The following TEK variants were observed in gnomAD, a reference collection of about 807,000 sequenced individuals.
The protein encoded by TEK is TEK receptor tyrosine kinase.
TEK carries 43 observed loss-of-function variants against 131.8 expected under a neutral mutation model. That is an observed-to-expected ratio of 0.33 (90% CI 0.26 to 0.42). The LOEUF is 0.42. Among genes scored for constraint, TEK ranks in the 10% least tolerant of loss-of-function variants. The pLI is 1.00. For missense variants in TEK, 1,162 were observed against 1,384.4 expected (o/e 0.84, Z 2.55); for synonymous variants, 580 against 491.6 (o/e 1.18, Z -2.38).
intron 7 of TEK, among the ~76,000 whole-genome samples, chr9:27,181,784 A>C (rs547508437): frequency 5.3e-5 from 8 of 152,324 alleles, no homozygotes; most frequent in African/African-American, 1.9e-4. Context: ...AAATTAAAAG[A>C]AGCAGACATA....
intron 18 of TEK, among the ~76,000 whole-genome samples, chr9:27,216,796 TCAA>T (rs1825834805): frequency 6.6e-6 from 1 of 152,110 alleles, no homozygotes; most frequent in Non-Finnish European, 1.5e-5. Context: ...GAAAGGTCCC[TCAA>T]GTGCTCCTGG....
intron 1 of TEK, among the ~76,000 whole-genome samples, chr9:27,152,601 G>A (rs796906466): frequency 6.5e-5 from 8 of 123,950 alleles, no homozygotes; most frequent in African/African-American, 9.2e-5. Flanking sequence ...CCCCCCCGCC[G>A]CAAAAAAATA....
intron 21 of TEK, 127 bp from the exon 22 acceptor site, chr9:27,228,079 G>T: frequency 1.5e-6 from 1 of 687,322 alleles, no homozygotes; most frequent in Non-Finnish European, 2.5e-6. Flanking sequence ...AAACTTCCTA[G>T]GGGCTGTACT....
Position 27,205,014 on chromosome 9 carries a change from A to G in TEK, c.2313A>G (p.Gln771=), listed in dbSNP as rs1442811165. ...TVLLAFLIIL[Q]LKRANVQRRM... The stretch of plus-strand genomic sequence containing the variant: ...TGTTGGCCTTTCTGATCATATTGCA[A>G]TTGAAGAGGGCAAATGTGCAAAGGA... Residue 771 remains glutamine (Q), a synonymous_variant, in exon 14 of 23, where the codon CAA becomes CAG. Transcript: ENST00000380036. 5 of 1,613,906 alleles carry G rather than the reference A, an allele frequency of 3.1e-6. No homozygotes were observed. Among genetic ancestry groups the G allele is most frequent in the Non-Finnish European group, 4.2e-6 (5 of 1,179,948 alleles).
chr9:27,181,028 C>T (rs1482781594), intron 7 of TEK, among the ~76,000 whole-genome samples: 1 of 152,064 alleles, frequency 6.6e-6, no homozygotes, highest in East Asian at 1.9e-4. Flanking sequence ...ACCTTGTACC[C>T]ATTAATAGAA....
At chr9:27,114,772 A>T (rs1310805529) in intron 1 of TEK, among the ~76,000 whole-genome samples, 3 of 152,214 alleles carry the variant, frequency 2.0e-5, no homozygotes, top group Non-Finnish European at 2.9e-5. Flanking sequence ...GAAACATAAA[A>T]GATATACTCA....
intron 1 of TEK, among the ~76,000 whole-genome samples, chr9:27,117,973 T>G (rs543806031): frequency 1.3e-5 from 2 of 152,240 alleles, no homozygotes; most frequent in South Asian, 2.1e-4. Context: ...TTGCTGGGGC[T>G]GGGGAGGCAC....
Position 27,199,390 on chromosome 9 carries a change from C to G in TEK, c.1909+1791C>G, listed in dbSNP as rs145943922. 1.3e-4 allele frequency among the ~76,000 whole-genome samples: 20 copies of G among 152,218 alleles called. 1 individual carries two copies. Among genetic ancestry groups the G allele is most frequent in the Middle Eastern group, 3.4e-3 (1 of 294 alleles). On this transcript the variant is annotated intron_variant, in intron 12 of 22. Coordinates refer to ENST00000380036, the MANE Select transcript of TEK (RefSeq NM_000459.5). ...ACAGGTGTGAGAGTTTTTCTAGGAA[C>G]AAGTCCGGTGGTGGAACTCATGGGC...
intron 1 of TEK, among the ~76,000 whole-genome samples, chr9:27,148,549 AAGCCCAGTGGGAG>A (rs1175625700): frequency 6.6e-6 from 1 of 152,236 alleles, no homozygotes; most frequent in African/African-American, 2.4e-5. Flanking sequence ...GCAAGAGTGC[AAGCCCAGTGGGAG>A]AGCCCAGTGG....
chr9:27,188,505 G>T (rs1225741437), intron 9 of TEK, among the ~76,000 whole-genome samples: 1 of 152,162 alleles, frequency 6.6e-6, no homozygotes, highest in East Asian at 1.9e-4. Flanking sequence ...AAAGAAAGGG[G>T]TGGCCTTATT....
chr9:27,174,561 A>G (rs1824092835), intron 6 of TEK, among the ~76,000 whole-genome samples: 1 of 152,128 alleles, frequency 6.6e-6, no homozygotes, highest in Non-Finnish European at 1.5e-5. Context: ...TTCAGTTTGG[A>G]CTAGCTATAT....
intron 19 of TEK, 34 bp downstream of exon 19, chr9:27,217,792 T>TC (rs66492517): frequency 2.6e-6 from 4 of 1,554,996 alleles, no homozygotes; most frequent in East Asian, 2.4e-5. Flanking sequence ...GGGATTTTTT[T>TC]TCCCTCCCAG....
At chr9:27,150,043 C>G (rs1165397962) in intron 1 of TEK, among the ~76,000 whole-genome samples, 1 of 152,138 alleles carries the variant, frequency 6.6e-6, no homozygotes, top group African/African-American at 2.4e-5. Context: ...TGTCCTGTAC[C>G]CTTTCTAGCT....
rs540373860 is a variant in TEK at position 27,200,426 on chromosome 9, G to A, written c.1910-2394G>A. Among the ~76,000 whole-genome samples, 9 of 152,262 alleles carry A rather than the reference G, an allele frequency of 5.9e-5. No individual in the cohort carries two copies. In the South Asian group the frequency reaches 1.9e-3, roughly 32 times the overall value. On this transcript the variant is annotated intron_variant, in intron 12 of 22. Transcript: ENST00000380036. ...AAAAACTAGTTAATAGTCACTGGGA[G>A]TCGACTTGCCTTGGATGATTGTATG...
chr9:27,116,134 T>A (rs1306270412), intron 1 of TEK, among the ~76,000 whole-genome samples: 1 of 151,992 alleles, frequency 6.6e-6, no homozygotes, highest in African/African-American at 2.4e-5. Context: ...TAGTGATTGG[T>A]TGTATATGGA....
At chr9:27,122,477 G>C (rs548110055) in intron 1 of TEK, among the ~76,000 whole-genome samples, 7 of 152,276 alleles carry the variant, frequency 4.6e-5, no homozygotes, top group Non-Finnish European at 1.0e-4. Flanking sequence ...GCTACACAAT[G>C]GGTTCATTGA....
intron 21 of TEK, among the ~76,000 whole-genome samples, chr9:27,226,371 C>T (rs1826327703): frequency 6.6e-6 from 1 of 152,190 alleles, no homozygotes. Context: ...GAAAACGTGG[C>T]ACATATACAC....
chr9:27,175,877 T>A lies in TEK; in HGVS notation c.901+2515T>A, dbSNP rs559331053. Among the ~76,000 whole-genome samples, 3 of 152,298 alleles carry A rather than the reference T, an allele frequency of 2.0e-5. No individual in the cohort carries two copies. In the East Asian group the frequency reaches 5.8e-4, roughly 29 times the overall value. ...AAATTTGTTTGTGTTCATTGTAGAT[T>A]CTGGATATTAGCCCTTTGTCAGATG... On this transcript the variant is annotated intron_variant, in intron 6 of 22. Transcript: ENST00000380036.
chr9:27,110,784 T>A (rs188466486), intron 1 of TEK, among the ~76,000 whole-genome samples: 67 of 152,356 alleles, frequency 4.4e-4, no homozygotes, highest in African/African-American at 1.6e-3. Flanking sequence ...TAATATTCTT[T>A]AAGAATGTGT....
Sources: allele counts gnomAD v4.1 joint callset (sites outside exome capture counted in the v4.1 genomes callset), GRCh38; gene constraint gnomAD v4.1.1; transcripts MANE v1.5; gene names NCBI Gene and HGNC (gene_info 2026-07-23, HGNC 2026-07-21).